The following SV2B variants were observed in gnomAD, a reference collection of about 807,000 sequenced individuals.
SV2B encodes the protein solute carrier family 22 member B2.
In SV2B, 41 loss-of-function variants were observed where a neutral mutation model predicts 73.9. The ratio of observed to expected loss-of-function variants is 0.56; its 90% CI spans 0.43 to 0.72. SV2B has a LOEUF of 0.72. SV2B is among the 30% of genes least tolerant of loss of function. The pLI is 0.00. For missense variants in SV2B, 764 were observed against 857.8 expected (o/e 0.89, Z 1.37); for synonymous variants, 314 against 314.2 (o/e 1.00, Z 0.01).
At chr15:91,249,225 A>T (rs1439494715) in intron 2 of SV2B, among the ~76,000 whole-genome samples, 2 of 152,168 alleles carry the variant, frequency 1.3e-5, no homozygotes, top group African/African-American at 4.8e-5. Context: ...AACATATCAG[A>T]CTTTCTTTTT....
At chr15:91,243,796 A>C (rs2047116651) in intron 2 of SV2B, among the ~76,000 whole-genome samples, 1 of 152,182 alleles carries the variant, frequency 6.6e-6, no homozygotes, top group East Asian at 1.9e-4. Flanking sequence ...TGCTGAAGCA[A>C]GGGGCTTCTG....
chr15:91,223,874 G>A lies in SV2B; in HGVS notation c.-391-1999G>A, dbSNP rs760730513. Among the ~76,000 whole-genome samples, 4 of 152,190 alleles carry A rather than the reference G, an allele frequency of 2.6e-5. No homozygotes were observed. Among genetic ancestry groups the A allele is most frequent in the South Asian group, 4.1e-4 (2 of 4,834 alleles). On this transcript the variant is annotated intron_variant, in intron 1 of 12. Transcript: ENST00000394232. The surrounding 1 kb of genome is among the most constrained non-coding windows in gnomAD (Gnocchi z 4.6). ...TTCTCAAAGTGCAGTCCTGGATTCC[G>A]TGTGTTATTTGTGGAAAATGCAGAT...
chr15:91,176,677 C>T (rs2044321603), intron 1 of SV2B, among the ~76,000 whole-genome samples: 2 of 151,804 alleles, frequency 1.3e-5, no homozygotes, highest in South Asian at 2.1e-4. Flanking sequence ...CTTTTGGCTG[C>T]ATAAATGTCT....
At position 91,297,032 on chromosome 15, in the gene SV2B, T is replaced by C. The variant is rs2049276218; in HGVS notation, c.*4480T>C. 1 of 151,072 alleles carries C rather than the reference T, an allele frequency of 6.6e-6. No homozygotes were observed. The highest frequency in any genetic ancestry group is 2.0e-4 in the East Asian group (1 of 4,996). 9.4% of individuals were successfully genotyped at this position (151,072 alleles called of 1,614,324 possible). ...GCCCGATCGTTGGGCGCACGCTTCT[T>C]CTGCCTGATCGTTGGGCGCACGCTC... On this transcript the variant is annotated 3_prime_UTR_variant, in exon 13 of 13. Coordinates refer to ENST00000394232, the MANE Select transcript of SV2B (RefSeq NM_001323032.3). The surrounding 1 kb of genome is among the most constrained non-coding windows in gnomAD (Gnocchi z 5.1).
At chr15:91,191,917 C>T (rs2045049341) in intron 1 of SV2B, among the ~76,000 whole-genome samples, 1 of 152,076 alleles carries the variant, frequency 6.6e-6, no homozygotes, top group Non-Finnish European at 1.5e-5. Flanking sequence ...TCTCTGTCTT[C>T]CTATTTTCCA....
At chr15:91,158,532 T>C (rs1461051748) in intron 1 of SV2B, among the ~76,000 whole-genome samples, 1 of 151,576 alleles carries the variant, frequency 6.6e-6, no homozygotes, top group Non-Finnish European at 1.5e-5. Flanking sequence ...TGATGTGGCT[T>C]TGTAGTTAGT....
At chr15:91,160,425 T>C (rs1240470007) in intron 1 of SV2B, among the ~76,000 whole-genome samples, 3 of 152,224 alleles carry the variant, frequency 2.0e-5, no homozygotes, top group East Asian at 1.9e-4. Context: ...CTAGCCAACA[T>C]AGTGAAACCC....
In SV2B at chr15:91,239,874, A is replaced by G. The variant is rs1416229095; in HGVS notation, c.452-11945A>G. 6.6e-6 allele frequency among the ~76,000 whole-genome samples: 1 copy of G among 152,202 alleles called. No individual in the cohort carries two copies. Among genetic ancestry groups the G allele is most frequent in the Non-Finnish European group, 1.5e-5 (1 of 68,034 alleles). On this transcript the variant is annotated intron_variant, in intron 2 of 12. Coordinates refer to ENST00000394232, the MANE Select transcript of SV2B (RefSeq NM_001323032.3). The surrounding 1 kb of genome is among the most constrained non-coding windows in gnomAD (Gnocchi z 5.1). ...CTTTACTTTCCATGGTGGTCACAAG[A>G]TAGCCACCATAGCTCTAATCTAAGT... is the stretch of plus-strand genomic sequence containing the variant.
intron 1 of SV2B, among the ~76,000 whole-genome samples, chr15:91,133,533 G>A (rs773373002): frequency 2.6e-4 from 39 of 152,122 alleles, no homozygotes; most frequent in Non-Finnish European, 4.6e-4. Context: ...CTTCGACTTC[G>A]GCTTGAACCT....
intron 1 of SV2B, among the ~76,000 whole-genome samples, chr15:91,194,893 A>G (rs2045188106): frequency 6.6e-6 from 1 of 152,030 alleles, no homozygotes; most frequent in Non-Finnish European, 1.5e-5. Flanking sequence ...GCCTGTGTCT[A>G]TGTGGTTGTG....
At chr15:91,107,551 T>TC (rs2041920884) in intron 1 of SV2B, among the ~76,000 whole-genome samples, 1 of 152,154 alleles carries the variant, frequency 6.6e-6, no homozygotes, top group African/African-American at 2.4e-5. Context: ...TACCTTGTTA[T>TC]CTGCCCGCCT....
chr15:91,195,139 A>G (rs1247064821), intron 1 of SV2B, among the ~76,000 whole-genome samples: 2 of 152,064 alleles, frequency 1.3e-5, no homozygotes, highest in Non-Finnish European at 2.9e-5. Context: ...CTAGCCATGG[A>G]TCTCTGAGCA....
rs1409641581 is a variant in SV2B at position 91,252,333 on chromosome 15, A to G, written c.633-36A>G. ...CTGCTGTGACCATTTTTAGTGTATG[A>G]CTTGATTCTTTCTCTCTGGCATTTT... On this transcript the variant is annotated intron_variant, in intron 3 of 12. Transcript: ENST00000394232. The surrounding 1 kb of genome is among the most constrained non-coding windows in gnomAD (Gnocchi z 4.6). 1.3e-6 allele frequency: 2 copies of G among 1,581,234 alleles called. No individual in the cohort carries two copies. The highest frequency in any genetic ancestry group is 1.2e-5 in the South Asian group (1 of 85,444).
chr15:91,159,406 T>G (rs2043630262), intron 1 of SV2B, among the ~76,000 whole-genome samples: 1 of 152,208 alleles, frequency 6.6e-6, no homozygotes, highest in East Asian at 1.9e-4. Flanking sequence ...ACACAGTAGC[T>G]TAGCATTGGG....
At chr15:91,202,927 G>A (rs2045512187) in intron 1 of SV2B, among the ~76,000 whole-genome samples, 1 of 152,146 alleles carries the variant, frequency 6.6e-6, no homozygotes, top group Non-Finnish European at 1.5e-5. Context: ...AGGAAGGACT[G>A]ACTACCACTC....
chr15:91,226,378 C>G lies in SV2B; in HGVS notation c.115C>G (p.His39Asp), dbSNP rs1423114344. Residue 39 changes from histidine (H) to aspartate (D), a missense_variant, in exon 2 of 13, where the codon CAT becomes GAT. His to Asp is a moderately conservative substitution (Grantham distance 81). Coordinates refer to ENST00000394232, the MANE Select transcript of SV2B (RefSeq NM_001323032.3). ...TGCACAGAGTGATGTCACCGAAGGC[C>G]ATGATGAGGAAGACGAGATCTATGA... ...EDAQSDVTEG[H>D]DEEDEIYEGE... 6.2e-7 allele frequency: 1 copy of G among 1,614,048 alleles called. No homozygotes were observed. The highest frequency in any genetic ancestry group is 8.5e-7 in the Non-Finnish European group (1 of 1,180,036).
At chr15:91,262,524 G>A (rs2047945509) in intron 6 of SV2B, among the ~76,000 whole-genome samples, 1 of 152,102 alleles carries the variant, frequency 6.6e-6, no homozygotes, top group South Asian at 2.1e-4. Context: ...GTGAACGTGT[G>A]TCACGGGGGT....
At chr15:91,174,888 C>A (rs1335167033) in intron 1 of SV2B, among the ~76,000 whole-genome samples, 1 of 152,150 alleles carries the variant, frequency 6.6e-6, no homozygotes, top group African/African-American at 2.4e-5. Context: ...AGCTCAGACC[C>A]CGTCGTCTTG....
chr15:91,159,410 C>A (rs1001326315), intron 1 of SV2B, among the ~76,000 whole-genome samples: 3 of 152,158 alleles, frequency 2.0e-5, no homozygotes, highest in Non-Finnish European at 4.4e-5. Flanking sequence ...AGTAGCTTAG[C>A]ATTGGGAAAT....
Sources: gnomAD v4.1 joint callset for allele counts (sites outside exome capture counted in the v4.1 genomes callset) on GRCh38, gnomAD v4.1.1 for gene constraint, Gnocchi (gnomAD v3.1) non-coding constraint, MANE v1.5 for transcripts, NCBI Gene and HGNC (gene_info 2026-07-23, HGNC 2026-07-21) for gene names.